Variants in PTGDR2 observed in about 807,000 individuals in gnomAD.
PTGDR2 encodes the protein prostaglandin D2 receptor 2, also known as G-protein coupled receptor 44.
For synonymous variants in PTGDR2, 276 were observed against 278.4 expected (o/e 0.99, Z 0.09); for missense variants, 544 against 576.6 (o/e 0.94, Z 0.58).
At chr11:60,853,896 G>A (rs1414882084) in intron 1 of PTGDR2, among the ~76,000 whole-genome samples, 165 bp from the exon 2 acceptor site, 1 of 152,186 alleles carries the variant, frequency 6.6e-6, no homozygotes, top group African/African-American at 2.4e-5. Flanking sequence ...CTGTGCTTGG[G>A]CAAGTCATTT....
chr11:60,853,446 C>T lies in PTGDR2; in HGVS notation c.277G>A (p.Val93Met), dbSNP rs1193741895. 2 of 1,570,784 alleles carry T rather than the reference C, an allele frequency of 1.3e-6. No homozygotes were observed. Among genetic ancestry groups the T allele is most frequent in the Non-Finnish European group, 8.6e-7 (1 of 1,157,646 alleles). ...SLPFFTYFLA[V>M]GHSWELGTTF... is the part of the protein sequence containing the mutation. ...GTGCCCAGCTCCCACGAGTGGCCCA[C>T]GGCCAAGAAGTAGGTGAAGAAGGGC... is the stretch of plus-strand genomic sequence containing the variant. The change falls in exon 2 of 2, where the codon GTG becomes ATG. Residue 93 changes from valine to methionine, a missense_variant. By Grantham distance (21) the Val-to-Met change is conservative. Coordinates refer to ENST00000332539, the MANE Select transcript of PTGDR2 (RefSeq NM_004778.3).
rs1427944026 is a variant in PTGDR2, at chr11:60,851,979, T to C, written c.*556A>G. On this transcript the variant is annotated 3_prime_UTR_variant, in exon 2 of 2. Transcript: ENST00000332539. ...CCCCTTAAGATTGTGGGATGAAGCG[T>C]CTAGCGCAGTAAGCATTGGCTAAAT... The C allele has an allele frequency of 2.6e-5, 4 of 152,392 alleles. No individual in the cohort carries two copies. Among genetic ancestry groups the C allele is most frequent in the African/African-American group, 9.7e-5 (4 of 41,440 alleles). 9.4% of individuals were successfully genotyped at this position (152,392 alleles called of 1,614,324 possible).
At position 60,852,194 on chromosome 11, in the gene PTGDR2, T is replaced by A. The variant is rs1444969120; in HGVS notation, c.*341A>T. 1.8e-5 allele frequency: 5 copies of A among 278,046 alleles called. No individual in the cohort carries two copies. Among genetic ancestry groups the A allele is most frequent in the Non-Finnish European group, 3.3e-5 (5 of 149,530 alleles). 17.2% of individuals were successfully genotyped at this position (278,046 alleles called of 1,614,324 possible). On this transcript the variant is annotated 3_prime_UTR_variant, in exon 2 of 2. Transcript: ENST00000332539. Reference sequence around the variant, plus strand: ...GTGGGAAGTCTATTATGAGTTTCACTTTGTGTTACTCCAGGCCTCGCCTGT... The same window carrying A: ...GTGGGAAGTCTATTATGAGTTTCACATTGTGTTACTCCAGGCCTCGCCTGT...
At position 60,853,492 on chromosome 11, in the gene PTGDR2, G is replaced by A. The variant is rs1256023632; in HGVS notation, c.231C>T (p.Asp77=). ...AGGGCAGGGAAGCAGAGGCCAACAGGTCGGACAGCGCCAGGTGCAGCACCC... is the reference window on the plus strand; with the variant it reads ...AGGGCAGGGAAGCAGAGGCCAACAGATCGGACAGCGCCAGGTGCAGCACCC... ...TTWVLHLALS[D]LLASASLPFF... The change falls in exon 2 of 2, where the codon GAC becomes GAT. Residue 77 remains aspartate, a synonymous_variant. Coordinates refer to ENST00000332539, the MANE Select transcript of PTGDR2 (RefSeq NM_004778.3). 7 of 1,562,620 alleles carry A rather than the reference G, an allele frequency of 4.5e-6. No individual in the cohort carries two copies. The highest frequency in any genetic ancestry group is 6.1e-6 in the Non-Finnish European group (7 of 1,153,004).
chr11:60,853,025 A>G lies in PTGDR2; in HGVS notation c.698T>C (p.Leu233Ser). The change falls in exon 2 of 2, where the codon TTG becomes TCG. Residue 233 changes from leucine (L) to serine (S), a missense_variant. Transcript: ENST00000332539. Reference sequence around the variant, plus strand: ...TGGCCGCCGGCGGCCGCGGTGCTGCAACCGCAGGCTCACGGCCGCGTGGCT... The same window carrying G: ...TGGCCGCCGGCGGCCGCGGTGCTGCGACCGCAGGCTCACGGCCGCGTGGCT... ...ASSHAAVSLR[L>S]QHRGRRRPGR... The G allele has an allele frequency of 6.5e-7, 1 of 1,528,136 alleles. No individual in the cohort carries two copies. Among genetic ancestry groups the G allele is most frequent in the South Asian group, 1.2e-5 (1 of 82,614 alleles). The allele number at this position is 1,528,136 out of a possible 1,614,324, so 94.7% of individuals were successfully genotyped here. A position where few individuals can be genotyped will look rare whatever the true frequency, so the allele number is the denominator to read the frequency against.
chr11:60,852,918 C>T lies in PTGDR2; in HGVS notation c.805G>A (p.Glu269Lys). 5 of 1,508,822 alleles carry T rather than the reference C, an allele frequency of 3.3e-6. No individual in the cohort carries two copies. The highest frequency in any genetic ancestry group is 1.2e-5 in the South Asian group (1 of 80,358). 93.5% of individuals were successfully genotyped at this position (1,508,822 alleles called of 1,614,324 possible). ...WGPYHVFSLL[E>K]ARAHANPGLR... ...CCCGGGTTTGCGTGCGCCCGCGCCT[C>T]CAGCAGGCTGAACACGTGGTAGGGC... Residue 269 changes from glutamate to lysine, a missense_variant, in exon 2 of 2, where the codon GAG becomes AAG. Glu to Lys is a moderately conservative substitution (Grantham distance 56). Coordinates refer to ENST00000332539, the MANE Select transcript of PTGDR2 (RefSeq NM_004778.3).
chr11:60,855,758 T>C (rs1855347700), intron 1 of PTGDR2, 111 bp downstream of exon 1: 1 of 152,322 alleles, frequency 6.6e-6, no homozygotes, highest in Admixed American at 6.5e-5. Flanking sequence ...GTAAACTCAA[T>C]CTTCTGCCAT....
Position 60,852,781 on chromosome 11 carries a change from C to G in PTGDR2, c.942G>C (p.Lys314Asn). ...GCACCGTGCGCAGCGAGCGCCGCAG[C>G]TTGCGCAGCATGTCGGGGCAGGTGA... ...YVLTCPDMLR[K>N]LRRSLRTVLE... The change falls in exon 2 of 2, where the codon AAG becomes AAC. Residue 314 changes from lysine to asparagine, a missense_variant. Coordinates refer to ENST00000332539, the MANE Select transcript of PTGDR2 (RefSeq NM_004778.3). 2 of 1,551,482 alleles carry G rather than the reference C, an allele frequency of 1.3e-6. No individual in the cohort carries two copies. Among genetic ancestry groups the G allele is most frequent in the South Asian group, 2.4e-5 (2 of 83,394 alleles).
chr11:60,853,540 C>G lies in PTGDR2; in HGVS notation c.183G>C (p.Met61Ile), dbSNP rs1263389045. The G allele has an allele frequency of 1.9e-6, 3 of 1,556,180 alleles. No homozygotes were observed. Among genetic ancestry groups the G allele is most frequent in the Non-Finnish European group, 1.7e-6 (2 of 1,149,562 alleles). Reference protein sequence around the residue: ...GVILFVVGCRMRQTVVTTWVL... With the variant: ...GVILFVVGCRIRQTVVTTWVL... Reference sequence around the variant, plus strand: ...CCCAGGTGGTGACCACGGTCTGGCGCATGCGGCAGCCCACCACGAAGAGGA... The same window carrying G: ...CCCAGGTGGTGACCACGGTCTGGCGGATGCGGCAGCCCACCACGAAGAGGA... Residue 61 changes from methionine to isoleucine, a missense_variant, in exon 2 of 2, where the codon ATG becomes ATC. By Grantham distance (10) the Met-to-Ile change is conservative (BLOSUM62 1). Coordinates refer to ENST00000332539, the MANE Select transcript of PTGDR2 (RefSeq NM_004778.3).
At chr11:60,854,246 C>G (rs1565098753) in intron 1 of PTGDR2, among the ~76,000 whole-genome samples, 1 of 152,224 alleles carries the variant, frequency 6.6e-6, no homozygotes, top group Non-Finnish European at 1.5e-5. Flanking sequence ...CACAGCGCCC[C>G]CAGATGTTGC....
rs1281813783 is a variant in PTGDR2 at position 60,853,127 on chromosome 11, C to T, written c.596G>A (p.Cys199Tyr). ...GGCCAGGGCCACCTGCCGCGAGTTG[C>T]ACGTGGCATCGCGGTCAGGCCCCGG... ...LNPGPDRDAT[C>Y]NSRQVALAVS... The change falls in exon 2 of 2, where the codon TGC becomes TAC. Residue 199 changes from cysteine (C) to tyrosine (Y), a missense_variant. By Grantham distance (194) the Cys-to-Tyr change is radical. Coordinates refer to ENST00000332539, the MANE Select transcript of PTGDR2 (RefSeq NM_004778.3). The T allele has an allele frequency of 6.2e-7, 1 of 1,606,730 alleles. No individual in the cohort carries two copies.
rs1423979474 is a variant in PTGDR2 at position 60,853,447 on chromosome 11, G to A, written c.276C>T (p.Ala92=). ...ASLPFFTYFL[A]VGHSWELGTT... ...TGCCCAGCTCCCACGAGTGGCCCACGGCCAAGAAGTAGGTGAAGAAGGGCA... is the reference window on the plus strand; with the variant it reads ...TGCCCAGCTCCCACGAGTGGCCCACAGCCAAGAAGTAGGTGAAGAAGGGCA... The change falls in exon 2 of 2, where the codon GCC becomes GCT. Residue 92 remains alanine, a synonymous_variant. Transcript: ENST00000332539. 2.5e-6 allele frequency: 4 copies of A among 1,570,610 alleles called. No homozygotes were observed. Among genetic ancestry groups the A allele is most frequent in the Non-Finnish European group, 3.5e-6 (4 of 1,157,558 alleles).
chr11:60,853,643 C>G lies in PTGDR2; in HGVS notation c.80G>C (p.Ser27Thr). The G allele has an allele frequency of 6.4e-7, 1 of 1,558,122 alleles. No individual in the cohort carries two copies. Among genetic ancestry groups the G allele is most frequent in the Non-Finnish European group, 8.7e-7 (1 of 1,150,740 alleles). Residue 27 changes from serine to threonine, a missense_variant, in exon 2 of 2, where the codon AGC becomes ACC. Ser to Thr is a moderately conservative substitution (Grantham distance 58, BLOSUM62 1). Transcript: ENST00000332539. ...MSRLQSHSNT[S>T]IRYIDHAAVL... ...GGCCGCGTGGTCGATGTAGCGGATG[C>G]TGGTGTTGCTGTGGCTCTGGAGACG...
In PTGDR2 at chr11:60,852,848, A is replaced by T; in HGVS notation, c.875T>A (p.Leu292Gln). 1.3e-6 allele frequency: 2 copies of T among 1,554,316 alleles called. No homozygotes were observed. Among genetic ancestry groups the T allele is most frequent in the Non-Finnish European group, 1.7e-6 (2 of 1,150,224 alleles). Residue 292 changes from leucine (L) to glutamine (Q), a missense_variant, in exon 2 of 2, where the codon CTG becomes CAG. Leu to Gln is a moderately radical substitution (Grantham distance 113). Transcript: ENST00000332539. ...GTTGGCCACGCTGTTGAAGAAGGCCAGGCTGGTGACGAAGGGCAGCCCGCG... is the reference window on the plus strand; with the variant it reads ...GTTGGCCACGCTGTTGAAGAAGGCCTGGCTGGTGACGAAGGGCAGCCCGCG... The part of the protein sequence containing the change: ...VWRGLPFVTS[L>Q]AFFNSVANPV...
rs1855281788 is a variant in PTGDR2, at chr11:60,852,369, C to T, written c.*166G>A. Reference sequence around the variant, plus strand: ...GTTTGAGAAGCACTGCTTTAACTCACTGTTTCTGAAAAAGATTCAGAGTCT... The same window carrying T: ...GTTTGAGAAGCACTGCTTTAACTCATTGTTTCTGAAAAAGATTCAGAGTCT... On this transcript the variant is annotated 3_prime_UTR_variant, in exon 2 of 2. Transcript: ENST00000332539. 1 of 503,754 alleles carries T rather than the reference C, an allele frequency of 2.0e-6. No homozygotes were observed. The highest frequency in any genetic ancestry group is 2.0e-5 in the African/African-American group (1 of 50,390). 31.2% of individuals were successfully genotyped at this position (503,754 alleles called of 1,614,324 possible).
intron 1 of PTGDR2, 126 bp from the exon 2 acceptor site, chr11:60,853,857 G>C: frequency 1.4e-6 from 1 of 717,474 alleles, no homozygotes; most frequent in East Asian, 2.7e-5. Flanking sequence ...TTGGGCGGTG[G>C]GGGTGGGGGG....
intron 1 of PTGDR2, among the ~76,000 whole-genome samples, chr11:60,854,423 G>A (rs645903): frequency 0.78 from 119,130 of 152,248 alleles, 47,155 homozygotes; most frequent in East Asian, 0.95. Flanking sequence ...TGGAGGCCCA[G>A]TGGGGCCAAA....
In PTGDR2 at chr11:60,853,363, G is replaced by A. The variant is rs1179926567; in HGVS notation, c.360C>T (p.Phe120=). The A allele has an allele frequency of 1.2e-6, 2 of 1,604,156 alleles. No individual in the cohort carries two copies. Among genetic ancestry groups the A allele is most frequent in the South Asian group, 1.1e-5 (1 of 89,680 alleles). ...IFFLNMFASG[F]LLSAISLDRC... The stretch of plus-strand genomic sequence containing the variant: ...GGTCCAGGCTGATGGCGCTGAGCAG[G>A]AAGCCGCTGGCGAACATGTTGAGAA... The change falls in exon 2 of 2, where the codon TTC becomes TTT. Residue 120 remains phenylalanine, a synonymous_variant. Transcript: ENST00000332539.
chr11:60,852,658 A>G lies in PTGDR2; in HGVS notation c.1065T>C (p.Ala355=). ...SSTARSASPL[A]LCSRPEEPRG... is the part of the protein sequence containing the mutation. ...GCGGTTCCTCCGGGCGGCTGCAGAG[A>G]GCTAAAGGGGAGGCCGAGCGGGCGG... Residue 355 remains alanine (A), a synonymous_variant, in exon 2 of 2, where the codon GCT becomes GCC. Transcript: ENST00000332539. 1 of 1,378,204 alleles carries G rather than the reference A, an allele frequency of 7.3e-7. No individual in the cohort carries two copies. The highest frequency in any genetic ancestry group is 9.4e-7 in the Non-Finnish European group (1 of 1,059,666). 85.4% of individuals were successfully genotyped at this position (1,378,204 alleles called of 1,614,324 possible).
Sources: allele counts gnomAD v4.1 joint callset (sites outside exome capture counted in the v4.1 genomes callset), GRCh38; gene constraint gnomAD v4.1.1; transcripts MANE v1.5; gene names NCBI Gene and HGNC (gene_info 2026-07-23, HGNC 2026-07-21).